Variants in SLC28A2 observed in about 807,000 individuals in gnomAD.
SLC28A2 encodes the protein sodium/nucleoside cotransporter 2.
In SLC28A2, 69 loss-of-function variants were observed where a neutral mutation model predicts 72.9. The ratio of observed to expected loss-of-function variants is 0.95; its 90% CI spans 0.78 to 1.16. SLC28A2 has a LOEUF of 1.16. Ranked by LOEUF, SLC28A2 falls within the 50% of genes most tolerant of loss-of-function variation. The probability of loss-of-function intolerance (pLI) is 0.00; values close to 1 mark genes in which losing one functional copy is unlikely to be tolerated. For missense variants in SLC28A2, 745 were observed against 791.1 expected (o/e 0.94, Z 0.70); for synonymous variants, 296 against 294.1 (o/e 1.01, Z -0.07).
chr15:45,264,132 TAAC>T, intron 6 of SLC28A2, 110 bp downstream of exon 6: 6 of 1,025,170 alleles, frequency 5.9e-6, no homozygotes, highest in Non-Finnish European at 8.1e-6. Context: ...AACTAGTTCA[TAAC>T]AACCCCTAGA....
At chr15:45,270,613 G>T (rs1016929300) in intron 15 of SLC28A2, among the ~76,000 whole-genome samples, 8 of 151,128 alleles carry the variant, frequency 5.3e-5, no homozygotes, top group Admixed American at 1.3e-4. Context: ...TATAAATAAA[G>T]ATATTTATTT....
rs1282650677 is a variant in SLC28A2 at position 45,277,532 on chromosome 15, A to T, written c.*2019A>T. On this transcript the variant is annotated 3_prime_UTR_variant, in exon 18 of 18. Coordinates refer to ENST00000347644, the MANE Select transcript of SLC28A2 (RefSeq NM_004212.4). ...ATTTATGCTATGTAGAGGCACCCCGAAAACATGCTAAACGAAAGAAGCTAG... is the reference window on the plus strand; with the variant it reads ...ATTTATGCTATGTAGAGGCACCCCGTAAACATGCTAAACGAAAGAAGCTAG... 1.3e-5 allele frequency: 2 copies of T among 151,408 alleles called. No homozygotes were observed. The highest frequency in any genetic ancestry group is 4.8e-5 in the African/African-American group (2 of 41,260). 9.4% of individuals were successfully genotyped at this position (151,408 alleles called of 1,614,324 possible).
At chr15:45,254,269 C>T (rs190433495) in intron 3 of SLC28A2, among the ~76,000 whole-genome samples, 37 of 152,218 alleles carry the variant, frequency 2.4e-4, no homozygotes, top group Admixed American at 1.7e-3. Context: ...AAAGGGAATA[C>T]GGTCATGAGC....
At chr15:45,253,357 G>T in intron 2 of SLC28A2, 61 bp downstream of exon 2, 3 of 1,549,442 alleles carry the variant, frequency 1.9e-6, no homozygotes, top group Non-Finnish European at 2.7e-6. Context: ...CTCCTGTAGG[G>T]TATTTGGCTG....
chr15:45,254,152 T>C (rs1899899354), intron 3 of SLC28A2, among the ~76,000 whole-genome samples: 1 of 152,042 alleles, frequency 6.6e-6, no homozygotes, highest in African/African-American at 2.4e-5. Flanking sequence ...GTAAAATAGA[T>C]CATATGGAAA....
intron 9 of SLC28A2, 105 bp downstream of exon 9, chr15:45,265,768 GA>G (rs1221289208): frequency 8.6e-6 from 7 of 817,708 alleles, no homozygotes; most frequent in Admixed American, 1.9e-5. Context: ...GAAACAATGG[GA>G]AAAGGCAGGC....
At chr15:45,267,117 A>G (rs1318077681) in intron 10 of SLC28A2, among the ~76,000 whole-genome samples, 1 of 152,230 alleles carries the variant, frequency 6.6e-6, no homozygotes, top group East Asian at 1.9e-4. Flanking sequence ...CCGTAAGTTC[A>G]GTAAGTGTGT....
At chr15:45,271,974 C>T (rs202152113) in intron 15 of SLC28A2, 35 of 257,568 alleles carry the variant, frequency 1.4e-4, no homozygotes, top group Non-Finnish European at 2.3e-4. Flanking sequence ...AAGCAGTGAA[C>T]GCCAGGCATT....
Position 45,252,294 on chromosome 15 carries a change from T to TG in SLC28A2, c.-17+21dup, listed in dbSNP as rs1303659363. 4.4e-6 allele frequency: 2 copies of TG among 455,796 alleles called. No homozygotes were observed. Among genetic ancestry groups the TG allele is most frequent in the African/African-American group, 4.0e-5 (2 of 50,030 alleles). 28.2% of individuals were successfully genotyped at this position (455,796 alleles called of 1,614,324 possible). ...ACAAGCTGGGGTAAGTAAAGGTGTT[T>TG]GGGGGAGGGCAGGTGCCTAATTTAC... On this transcript the variant is annotated intron_variant, in intron 1 of 17. Coordinates refer to ENST00000347644, the MANE Select transcript of SLC28A2 (RefSeq NM_004212.4).
chr15:45,255,389 A>G (rs1253218760), intron 3 of SLC28A2: 1 of 152,136 alleles, frequency 6.6e-6, no homozygotes, highest in African/African-American at 2.4e-5. Flanking sequence ...AAGGTAGTAA[A>G]TATTATTGGT....
Position 45,267,769 on chromosome 15 carries a change from G to C in SLC28A2, c.1172G>C (p.Ser391Thr). 1 of 1,614,104 alleles carries C rather than the reference G, an allele frequency of 6.2e-7. No individual in the cohort carries two copies. Among genetic ancestry groups the C allele is most frequent in the African/African-American group, 1.3e-5 (1 of 75,010 alleles). Residue 391 changes from serine to threonine, a missense_variant, in exon 12 of 18, where the codon AGT (serine) becomes ACT (threonine). Coordinates refer to ENST00000347644, the MANE Select transcript of SLC28A2 (RefSeq NM_004212.4). ...GAAGTGGAGGAGTCCAAGTTCAAGA[G>C]TGAGGAGGGGGTAAAGCTGCCCCGT... Reference protein sequence around the residue: ...YPEVEESKFKSEEGVKLPRGK... With the variant: ...YPEVEESKFKTEEGVKLPRGK...
intron 13 of SLC28A2, among the ~76,000 whole-genome samples, chr15:45,268,641 A>G (rs997045894): frequency 1.3e-5 from 2 of 152,168 alleles, no homozygotes; most frequent in African/African-American, 4.8e-5. Flanking sequence ...TAGAAATACC[A>G]TTTGACCCAG....
chr15:45,264,924 T>C, intron 7 of SLC28A2, 156 bp downstream of exon 7: 2 of 727,678 alleles, frequency 2.7e-6, no homozygotes, highest in South Asian at 1.7e-5. Flanking sequence ...GCTAAGAATA[T>C]GAATAAAGAG....
intron 2 of SLC28A2, 59 bp downstream of exon 2, chr15:45,253,355 G>C (rs1310921946): frequency 1.9e-6 from 3 of 1,554,766 alleles, no homozygotes; most frequent in East Asian, 2.2e-5. Flanking sequence ...GGCTCCTGTA[G>C]GGTATTTGGC....
rs1242052712 is a variant in SLC28A2 at position 45,269,592 on chromosome 15, G to A, written c.1566+57G>A. ...TGAGGTCTCAGCCATGGTTATCTGA[G>A]GGTAGACAGAAAGTGCCAAACAGGT... On this transcript the variant is annotated intron_variant, in intron 14 of 17. Transcript: ENST00000347644. 9 of 1,489,942 alleles carry A rather than the reference G, an allele frequency of 6.0e-6. No individual in the cohort carries two copies. In the African/African-American group the frequency reaches 8.3e-5, roughly 14 times the overall value. 92.3% of individuals were successfully genotyped at this position (1,489,942 alleles called of 1,614,324 possible). A position where few individuals can be genotyped will look rare whatever the true frequency, so the allele number is the denominator to read the frequency against.
chr15:45,271,601 G>GA (rs1200878284), intron 15 of SLC28A2, among the ~76,000 whole-genome samples: 2 of 151,012 alleles, frequency 1.3e-5, no homozygotes, highest in East Asian at 3.9e-4. Context: ...AGGAAGGAAG[G>GA]AAGGAAGGAA....
chr15:45,256,666 C>G (rs1182607917), intron 3 of SLC28A2, among the ~76,000 whole-genome samples: 1 of 152,092 alleles, frequency 6.6e-6, no homozygotes, highest in Non-Finnish European at 1.5e-5. Flanking sequence ...ACCTCAGCCT[C>G]CCAAAGTGCT....
intron 14 of SLC28A2, among the ~76,000 whole-genome samples, 182 bp downstream of exon 14, chr15:45,269,717 T>C (rs910246709): frequency 6.6e-6 from 1 of 152,162 alleles, no homozygotes; most frequent in Non-Finnish European, 1.5e-5. Flanking sequence ...CCTGAGCTAT[T>C]ATGGGTCTGC....
In SLC28A2 at chr15:45,268,238, A is replaced by G. The variant is rs568227054; in HGVS notation, c.1228A>G (p.Ser410Gly). Reference protein sequence around the residue: ...GKERNVLEAASNGAVDAIGLA... With the variant: ...GKERNVLEAAGNGAVDAIGLA... Reference sequence around the variant, plus strand: ...GGAGAGGAATGTCCTGGAAGCTGCCAGCAACGGAGCCGTAGATGCCATAGG... The same window carrying G: ...GGAGAGGAATGTCCTGGAAGCTGCCGGCAACGGAGCCGTAGATGCCATAGG... The change falls in exon 13 of 18, where the codon AGC becomes GGC. Residue 410 changes from serine (S) to glycine (G), a missense_variant. By Grantham distance (56) the Ser-to-Gly change is moderately conservative. Transcript: ENST00000347644. 2.5e-6 allele frequency: 4 copies of G among 1,608,682 alleles called. No homozygotes were observed. The highest frequency in any genetic ancestry group is 3.3e-5 in the Admixed American group (2 of 59,914).
Sources: allele counts gnomAD v4.1 joint callset (sites outside exome capture counted in the v4.1 genomes callset), GRCh38; gene constraint gnomAD v4.1.1; transcripts MANE v1.5; gene names NCBI Gene and HGNC (gene_info 2026-07-23, HGNC 2026-07-21).